RIMKLB: variants seen among roughly 807,000 people sequenced by gnomAD.
RIMKLB encodes the protein beta-citrylglutamate synthase B.
In RIMKLB, 7 loss-of-function variants were observed where a neutral mutation model predicts 32.0. The observed-to-expected ratio is 0.22, with a 90% CI of 0.12 to 0.41. The LOEUF (loss-of-function observed/expected upper bound fraction) is 0.41. Among genes scored for constraint, RIMKLB ranks in the 10% least tolerant of loss-of-function variants. RIMKLB has a pLI of 1.00. For synonymous variants in RIMKLB, 172 were observed against 185.1 expected, an observed-to-expected ratio of 0.93 and a Z score of 0.57; for missense variants, 289 against 498.7, an observed-to-expected ratio of 0.58 and a Z score of 4.00.
intron 4 of RIMKLB, 101 bp from the exon 5 acceptor site, chr12:8,753,789 G>A: frequency 1.1e-6 from 1 of 902,230 alleles, no homozygotes; most frequent in Non-Finnish European, 1.7e-6. Context: ...AATGTAGTTG[G>A]TTCTGAAATA....
rs767921237 is a variant in RIMKLB at position 8,698,254 on chromosome 12, C to T, written c.-100C>T. 1 of 369,916 alleles carries T rather than the reference C, an allele frequency of 2.7e-6. No individual in the cohort carries two copies. Among genetic ancestry groups the T allele is most frequent in the South Asian group, 1.8e-5 (1 of 55,446 alleles). The allele number at this position is 369,916 out of a possible 1,614,324, so 22.9% of individuals were successfully genotyped here. A position where few individuals can be genotyped will look rare whatever the true frequency, so the allele number is the denominator to read the frequency against. ...CCCGCGCTTCCTCGAAGGCCCCAGCCCGGCTCAGTCGGCCGAGAGCGAGGG... is the reference window on the plus strand; with the variant it reads ...CCCGCGCTTCCTCGAAGGCCCCAGCTCGGCTCAGTCGGCCGAGAGCGAGGG... On this transcript the variant is annotated 5_prime_UTR_variant, in exon 1 of 6. Transcript: ENST00000535829.
At chr12:8,717,915 C>T (rs1025866048) in intron 2 of RIMKLB, among the ~76,000 whole-genome samples, 42 of 152,134 alleles carry the variant, frequency 2.8e-4, no homozygotes, top group African/African-American at 9.2e-4. Flanking sequence ...CCCCAATATA[C>T]GCCTATTTTA....
At chr12:8,764,111 G>T (rs1250406857) in intron 5 of RIMKLB, among the ~76,000 whole-genome samples, 1 of 152,154 alleles carries the variant, frequency 6.6e-6, no homozygotes, top group Non-Finnish European at 1.5e-5. Flanking sequence ...TTGGAGTATT[G>T]TAGGGGCTAC....
intron 2 of RIMKLB, among the ~76,000 whole-genome samples, chr12:8,722,034 G>A (rs757670676): frequency 1.7e-4 from 26 of 152,172 alleles, no homozygotes; most frequent in Admixed American, 9.2e-4. Flanking sequence ...GTGAGCCACC[G>A]CGCCTGGCCT....
At chr12:8,781,231 C>A (rs779481468), downstream of RIMKLB, among the ~76,000 whole-genome samples, 1 of 152,084 alleles carries the variant, frequency 6.6e-6, no homozygotes, top group South Asian at 2.1e-4. Flanking sequence ...ATCCCAGCTA[C>A]GCGGGAGGCT....
At position 8,775,097 on chromosome 12, in the gene RIMKLB, CGTT is replaced by C. The variant is rs1236914817; in HGVS notation, c.*1317_*1319del. On this transcript the variant is annotated 3_prime_UTR_variant, in exon 6 of 6. Coordinates refer to ENST00000535829, the MANE Select transcript of RIMKLB (RefSeq NM_001297776.2). ...TTTTAGGCCTTTTTGTGTATATGTA[CGTT>C]GTTTGTTTTTTTCCTTTTGTTTCTA... 7 of 985,212 alleles carry C rather than the reference CGTT, an allele frequency of 7.1e-6. No homozygotes were observed. The African/African-American group carries it at 1.2e-4, about 17-fold the overall frequency. 61.0% of individuals were successfully genotyped at this position (985,212 alleles called of 1,614,324 possible).
intron 3 of RIMKLB, among the ~76,000 whole-genome samples, chr12:8,750,946 A>G (rs1336393403): frequency 1.3e-5 from 2 of 152,206 alleles, no homozygotes; most frequent in Admixed American, 6.5e-5. Flanking sequence ...TGGAGATTTC[A>G]TGAGGCTTTA....
chr12:8,698,713 C>A (rs1259375977), intron 1 of RIMKLB, among the ~76,000 whole-genome samples: 1 of 103,290 alleles, frequency 9.7e-6, no homozygotes, highest in African/African-American at 3.9e-5. Flanking sequence ...CCCCTCCCCC[C>A]CCTTCCCACA....
rs192719333 is a variant in RIMKLB, at chr12:8,755,134, T to C, written c.697+1041T>C. 7.4e-4 allele frequency among the ~76,000 whole-genome samples: 113 copies of C among 152,258 alleles called. No individual in the cohort carries two copies. The East Asian group carries it at 0.016, about 22-fold the overall frequency. ...GCCCAGCTAATTTTTTTATTTTTAG[T>C]AAAGACGGAGTTTCACCATGTTGAC... On this transcript the variant is annotated intron_variant, in intron 5 of 5. Coordinates refer to ENST00000535829, the MANE Select transcript of RIMKLB (RefSeq NM_001297776.2).
At chr12:8,770,250 A>G (rs1346562462) in intron 5 of RIMKLB, among the ~76,000 whole-genome samples, 1 of 152,236 alleles carries the variant, frequency 6.6e-6, no homozygotes, top group Non-Finnish European at 1.5e-5. Context: ...GGCATGAGCC[A>G]CCGCGCCTGG....
chr12:8,707,877 G>A (rs868548420), intron 1 of RIMKLB, among the ~76,000 whole-genome samples: 16 of 152,260 alleles, frequency 1.1e-4, no homozygotes, highest in Middle Eastern at 6.8e-3. Context: ...TTCAACTCCC[G>A]TGATTCCTAT....
In RIMKLB at chr12:8,773,766, C is replaced by G; in HGVS notation, c.1143C>G (p.Ile381Met). The G allele has an allele frequency of 6.2e-7, 1 of 1,612,892 alleles. No individual in the cohort carries two copies. Among genetic ancestry groups the G allele is most frequent in the Non-Finnish European group, 8.5e-7 (1 of 1,179,030 alleles). Residue 381 changes from isoleucine to methionine, a missense_variant, in exon 6 of 6, where the codon ATC (isoleucine) becomes ATG (methionine). Coordinates refer to ENST00000535829, the MANE Select transcript of RIMKLB (RefSeq NM_001297776.2). ...FNMNQLLANE[I>M]KLLVD ...TGAACCAGCTGCTAGCCAATGAAAT[C>G]AAACTACTGGTGGACTGACTCCACT... is the stretch of plus-strand genomic sequence containing the variant.
intron 2 of RIMKLB, among the ~76,000 whole-genome samples, chr12:8,716,431 C>CTTT (rs11307521): frequency 6.6e-4 from 54 of 81,652 alleles, no homozygotes; most frequent in Admixed American, 9.9e-4. Flanking sequence ...ATTAACATGT[C>CTTT]TTTTTTTTTT....
chr12:8,698,426 C>G (rs1943050779), intron 1 of RIMKLB, 129 bp downstream of exon 1: 2 of 157,732 alleles, frequency 1.3e-5, no homozygotes, highest in South Asian at 2.9e-4. Flanking sequence ...GGGACCGGCC[C>G]GAGCGCGCCC....
intron 2 of RIMKLB, among the ~76,000 whole-genome samples, chr12:8,725,589 C>T (rs1945902542): frequency 1.3e-5 from 2 of 152,142 alleles, no homozygotes; most frequent in South Asian, 2.1e-4. Flanking sequence ...TCTCAGCCTG[C>T]GAGGCACACC....
intron 2 of RIMKLB, among the ~76,000 whole-genome samples, chr12:8,749,611 G>GA: frequency 6.6e-6 from 1 of 152,282 alleles, no homozygotes; most frequent in African/African-American, 2.4e-5. Context: ...GTTCATCTCT[G>GA]AACATATATG....
At chr12:8,724,757 G>A (rs1358860551) in intron 2 of RIMKLB, among the ~76,000 whole-genome samples, 1 of 152,168 alleles carries the variant, frequency 6.6e-6, no homozygotes, top group East Asian at 1.9e-4. Flanking sequence ...CTGGAGGCTG[G>A]ATCTGCAGGT....
chr12:8,757,545 A>C (rs1311272628), intron 5 of RIMKLB, among the ~76,000 whole-genome samples: 2 of 151,832 alleles, frequency 1.3e-5, no homozygotes, highest in Non-Finnish European at 2.9e-5. Flanking sequence ...CTTTGCACCC[A>C]TTAACCAGCT....
At chr12:8,707,018 A>G (rs953594918) in intron 1 of RIMKLB, among the ~76,000 whole-genome samples, 4 of 152,216 alleles carry the variant, frequency 2.6e-5, no homozygotes, top group African/African-American at 9.6e-5. Flanking sequence ...AAGAGGCTTG[A>G]TAGCATACCT....
Sources: allele counts gnomAD v4.1 joint callset (sites outside exome capture counted in the v4.1 genomes callset), GRCh38; gene constraint gnomAD v4.1.1; transcripts MANE v1.5; gene names NCBI Gene and HGNC (gene_info 2026-07-23, HGNC 2026-07-21).